The following YIPF6 variants were observed in gnomAD, a reference collection of about 807,000 sequenced individuals.
The protein encoded by YIPF6 is protein YIPF6.
Under a neutral mutation model 16.8 loss-of-function variants are expected in YIPF6, and 3 were observed. The observed-to-expected ratio is 0.18, with a 90% CI of 0.08 to 0.46. YIPF6 has a LOEUF of 0.46. Ranked by LOEUF, YIPF6 falls within the 20% of genes least tolerant of loss-of-function variation. The pLI is 0.98. For missense variants in YIPF6, 145 were observed against 184.9 expected, an observed-to-expected ratio of 0.78 and a Z score of 1.25; for synonymous variants, 67 against 61.9, an observed-to-expected ratio of 1.08 and a Z score of -0.38.
chrX:68,530,070 C>G (rs895322641), intron 6 of YIPF6, among the ~76,000 whole-genome samples: 1 of 112,076 alleles, frequency 8.9e-6, no homozygotes, highest in Non-Finnish European at 1.9e-5. Context: ...CTTACAGCTG[C>G]TCCATCCCCC....
chrX:68,518,765 T>C lies in YIPF6; in HGVS notation c.266-5T>C. 4 of 1,175,290 alleles carry C rather than the reference T, an allele frequency of 3.4e-6. No homozygotes were observed. The highest frequency in any genetic ancestry group is 4.5e-6 in the Non-Finnish European group (4 of 881,963). ...CCTTCGCTTCTGTCTTTTCTTGTCTTGTAGGGGATTTGTGGGGCCCTTTGA... is the reference window on the plus strand; with the variant it reads ...CCTTCGCTTCTGTCTTTTCTTGTCTCGTAGGGGATTTGTGGGGCCCTTTGA... On this transcript the variant is annotated splice_polypyrimidine_tract_variant and splice_region_variant and intron_variant, in intron 3 of 6. Transcript: ENST00000462683.
At chrX:68,521,068 A>G (rs1441259994) in intron 4 of YIPF6, among the ~76,000 whole-genome samples, 1 of 111,568 alleles carries the variant, frequency 9.0e-6, no homozygotes, top group Non-Finnish European at 1.9e-5. Context: ...GCCTCATTAT[A>G]TATGAGCCAC....
At chrX:68,499,859 C>T (rs2079034339) in intron 1 of YIPF6, among the ~76,000 whole-genome samples, 1 of 111,800 alleles carries the variant, frequency 8.9e-6, no homozygotes, top group Non-Finnish European at 1.9e-5. Context: ...AGGCTGGTCT[C>T]GAATTCCTGG....
At chrX:68,500,534 C>T (rs182021863) in intron 1 of YIPF6, among the ~76,000 whole-genome samples, 11 of 111,181 alleles carry the variant, frequency 9.9e-5, no homozygotes, top group African/African-American at 2.6e-4. Context: ...AGGCTAGTCT[C>T]GAACTCCTGA....
chrX:68,507,225 G>A (rs747578813), intron 1 of YIPF6, among the ~76,000 whole-genome samples: 1 of 111,577 alleles, frequency 9.0e-6, no homozygotes, highest in African/African-American at 3.2e-5. Flanking sequence ...AAAGTTTGGT[G>A]ACCCCTGCTT....
rs770985418 is a variant in YIPF6 at position 68,518,287 on chromosome X, A to C, written c.266-483A>C. ...AACTCCATCTCAAAAAAAAAAAAAA[A>C]AATCAATAGCCCTAGGTTCTGGTCC... is the stretch of plus-strand genomic sequence containing the variant. On this transcript the variant is annotated intron_variant, in intron 3 of 6. Transcript: ENST00000462683. 2.9e-4 allele frequency among the ~76,000 whole-genome samples: 32 copies of C among 110,461 alleles called. No homozygotes were observed. In the East Asian group the frequency reaches 6.0e-3, roughly 21 times the overall value.
intron 4 of YIPF6, 117 bp downstream of exon 4, chrX:68,518,929 G>A: frequency 4.3e-6 from 3 of 694,271 alleles, no homozygotes; most frequent in South Asian, 7.0e-5. Flanking sequence ...ATGACATGTT[G>A]TACATGTTAT....
intron 1 of YIPF6, among the ~76,000 whole-genome samples, chrX:68,501,062 A>G (rs1474047975): frequency 8.9e-6 from 1 of 111,989 alleles, no homozygotes; most frequent in Non-Finnish European, 1.9e-5. Context: ...TCATTACTCA[A>G]TATGCAATCC....
intron 1 of YIPF6, among the ~76,000 whole-genome samples, chrX:68,508,328 T>C (rs1243632007): frequency 5.4e-5 from 6 of 110,579 alleles, no homozygotes; most frequent in Non-Finnish European, 1.9e-5. Flanking sequence ...GGTCTGGAAC[T>C]CCCTGGCTCA....
At chrX:68,507,019 T>A (rs1258414361) in intron 1 of YIPF6, among the ~76,000 whole-genome samples, 2 of 112,646 alleles carry the variant, frequency 1.8e-5, no homozygotes, top group African/African-American at 3.2e-5. Context: ...AATTATCTCC[T>A]AAATTATATT....
intron 1 of YIPF6, among the ~76,000 whole-genome samples, chrX:68,502,941 G>T (rs1009362464): frequency 1.8e-5 from 2 of 109,548 alleles, no homozygotes; most frequent in Non-Finnish European, 3.8e-5. Context: ...TGATTCTCCT[G>T]CCTCAGCCTC....
At chrX:68,517,000 T>C (rs995247635) in intron 3 of YIPF6, among the ~76,000 whole-genome samples, 5 of 110,779 alleles carry the variant, frequency 4.5e-5, no homozygotes, top group Admixed American at 1.9e-4. Context: ...TTTGTATTTT[T>C]AGTTAGAGAC....
At chrX:68,519,460 CTTATT>C (rs2079117365) in intron 4 of YIPF6, among the ~76,000 whole-genome samples, 1 of 110,780 alleles carries the variant, frequency 9.0e-6, no homozygotes, top group South Asian at 3.8e-4. Flanking sequence ...AATACTTTCT[CTTATT>C]TTAACCTCAT....
chrX:68,513,218 T>C (rs775831684), intron 2 of YIPF6, 109 bp from the exon 3 acceptor site: 1 of 544,114 alleles, frequency 1.8e-6, no homozygotes, highest in Non-Finnish European at 2.9e-6. Context: ...ATCTGCAAAA[T>C]TCAGTGAAGA....
At chrX:68,517,752 G>A (rs1483413530) in intron 3 of YIPF6, among the ~76,000 whole-genome samples, 1 of 109,796 alleles carries the variant, frequency 9.1e-6, no homozygotes, top group South Asian at 4.0e-4. Context: ...TGGATCGCTT[G>A]AGGCCAGGAG....
intron 6 of YIPF6, among the ~76,000 whole-genome samples, chrX:68,528,239 C>A (rs1047986688): frequency 1.8e-5 from 2 of 111,440 alleles, no homozygotes; most frequent in Non-Finnish European, 3.8e-5. Flanking sequence ...TTATGTAATG[C>A]CCTTCTTTGT....
chrX:68,533,555 A>G lies in YIPF6; in HGVS notation c.*1556A>G, dbSNP rs1263316965. 2 of 112,041 alleles carry G rather than the reference A, an allele frequency of 1.8e-5. No individual in the cohort carries two copies. Among genetic ancestry groups the G allele is most frequent in the African/African-American group, 6.5e-5 (2 of 30,862 alleles). The allele number at this position is 112,041 out of a possible 1,213,427, so 9.2% of individuals were successfully genotyped here. A position where few individuals can be genotyped will look rare whatever the true frequency, so the allele number is the denominator to read the frequency against. ...ATGATTCCAAAGTCATACTTTCTCCATCCCCACATTAGCCAAGTGAATACA... is the reference window on the plus strand; with the variant it reads ...ATGATTCCAAAGTCATACTTTCTCCGTCCCCACATTAGCCAAGTGAATACA... On this transcript the variant is annotated 3_prime_UTR_variant, in exon 7 of 7. Transcript: ENST00000462683.
At chrX:68,531,833 A>G in intron 6 of YIPF6, 48 bp from the exon 7 acceptor site, 1 of 867,054 alleles carries the variant, frequency 1.2e-6, no homozygotes, top group Non-Finnish European at 1.6e-6. Context: ...AGTTGTGACA[A>G]TATTACTGTA....
At chrX:68,511,518 C>T (rs1410619272) in intron 1 of YIPF6, among the ~76,000 whole-genome samples, 2 of 112,181 alleles carry the variant, frequency 1.8e-5, no homozygotes. Context: ...CATTCTAAGA[C>T]AGTGATTGCT....
Sources: allele counts gnomAD v4.1 joint callset (sites outside exome capture counted in the v4.1 genomes callset), GRCh38; gene constraint gnomAD v4.1.1; transcripts MANE v1.5; gene names NCBI Gene and HGNC (gene_info 2026-07-23, HGNC 2026-07-21).